The following DDR2 variants were observed in gnomAD, a reference collection of about 807,000 sequenced individuals.
DDR2 encodes discoidin domain receptor tyrosine kinase 2.
Under a neutral mutation model 94.9 loss-of-function variants are expected in DDR2, and 27 were observed. That is an observed-to-expected ratio of 0.28 (90% CI 0.21 to 0.39). DDR2 has a LOEUF of 0.39. Among genes scored for constraint, DDR2 ranks in the 10% least tolerant of loss-of-function variants. The pLI is 1.00. For missense variants in DDR2, 783 were observed against 1,076.0 expected, an observed-to-expected ratio of 0.73 and a Z score of 3.81; for synonymous variants, 382 against 377.2, an observed-to-expected ratio of 1.01 and a Z score of -0.15.
chr1:162,784,894 C>A lies in DDR2; in HGVS notation c.*4648C>A, dbSNP rs191863401. Reference sequence around the variant, plus strand: ...ACTACAGACCTTTTTTCAATTTCGCCAGTTTTTCCACACATATTCATTTAG... The same window carrying A: ...ACTACAGACCTTTTTTCAATTTCGCAAGTTTTTCCACACATATTCATTTAG... On this transcript the variant is annotated 3_prime_UTR_variant, in exon 18 of 18. Transcript: ENST00000367921. 2.0e-5 allele frequency: 3 copies of A among 152,248 alleles called. No individual in the cohort carries two copies. Among genetic ancestry groups the A allele is most frequent in the African/African-American group, 7.2e-5 (3 of 41,568 alleles). The allele number at this position is 152,248 out of a possible 1,614,324, so 9.4% of individuals were successfully genotyped here. A position where few individuals can be genotyped will look rare whatever the true frequency, so the allele number is the denominator to read the frequency against.
At chr1:162,761,566 A>G in intron 9 of DDR2, 112 bp downstream of exon 9, 2 of 1,536,264 alleles carry the variant, frequency 1.3e-6, no homozygotes, top group Non-Finnish European at 1.8e-6. Flanking sequence ...TTGTACAGGC[A>G]GCTTCTCATT....
intron 2 of DDR2, among the ~76,000 whole-genome samples, chr1:162,663,957 GAA>G (rs1456325214): frequency 6.6e-6 from 1 of 152,110 alleles, no homozygotes; most frequent in Non-Finnish European, 1.5e-5. Flanking sequence ...CCTGTACTCG[GAA>G]ATGCAAAATG....
At chr1:162,716,731 G>T (rs1487771190) in intron 2 of DDR2, among the ~76,000 whole-genome samples, 1 of 150,588 alleles carries the variant, frequency 6.6e-6, no homozygotes. Flanking sequence ...TAACCCCTCT[G>T]GGTGTGTCAG....
chr1:162,776,012 A>G, intron 15 of DDR2, 124 bp from the exon 16 acceptor site: 2 of 1,299,832 alleles, frequency 1.5e-6, no homozygotes, highest in South Asian at 2.4e-5. Context: ...CAAGGGATTC[A>G]TCAAGAGTAG....
At chr1:162,634,711 A>G (rs560706421) in intron 1 of DDR2, among the ~76,000 whole-genome samples, 56 of 152,280 alleles carry the variant, frequency 3.7e-4, no homozygotes, top group Non-Finnish European at 4.7e-4. Context: ...GTTTGATATG[A>G]TTCCTTGCCC....
intron 3 of DDR2, among the ~76,000 whole-genome samples, chr1:162,746,050 T>C (rs1662844301): frequency 6.6e-6 from 1 of 152,194 alleles, no homozygotes; most frequent in Admixed American, 6.5e-5. Flanking sequence ...CAGCTCCCAG[T>C]GTGAGCAACG....
intron 3 of DDR2, among the ~76,000 whole-genome samples, chr1:162,734,275 C>A (rs1662193400): frequency 6.6e-6 from 1 of 152,232 alleles, no homozygotes. Context: ...GCCAAGGCTA[C>A]CCTTGACCAA....
In DDR2 at chr1:162,786,500, T is replaced by G. The variant is rs1302198029; in HGVS notation, c.*6254T>G. Reference sequence around the variant, plus strand: ...CGTGATACCAATTGTATATTTTCTTTTCTTTATTTATTCTCTGTAAGTCTG... The same window carrying G: ...CGTGATACCAATTGTATATTTTCTTGTCTTTATTTATTCTCTGTAAGTCTG... On this transcript the variant is annotated 3_prime_UTR_variant, in exon 18 of 18. Transcript: ENST00000367921. 6.6e-6 allele frequency: 1 copy of G among 152,242 alleles called. No individual in the cohort carries two copies. Among genetic ancestry groups the G allele is most frequent in the Admixed American group, 6.5e-5 (1 of 15,284 alleles). The allele number at this position is 152,242 out of a possible 1,614,324, so 9.4% of individuals were successfully genotyped here.
intron 2 of DDR2, among the ~76,000 whole-genome samples, chr1:162,694,032 C>T (rs1484143097): frequency 6.6e-6 from 1 of 152,292 alleles, no homozygotes; most frequent in East Asian, 1.9e-4. Context: ...CATGCCAGCA[C>T]ACCCAGCTAA....
At position 162,767,679 on chromosome 1, in the gene DDR2, A is replaced by T. The variant is rs79240387; in HGVS notation, c.1293+320A>T. The stretch of plus-strand genomic sequence containing the variant: ...GGGTAGAGTCCAGGCATCCATATTT[A>T]AAAAAAAATTTAACAAGTGCTTCTG... On this transcript the variant is annotated intron_variant, in intron 11 of 17. Transcript: ENST00000367921. Among the ~76,000 whole-genome samples the T allele has an allele frequency of 4.6e-4, 70 of 151,884 alleles. 1 individual carries two copies. In the East Asian group the frequency reaches 0.012, roughly 26 times the overall value.
At chr1:162,668,576 C>T (rs965760456) in intron 2 of DDR2, among the ~76,000 whole-genome samples, 3 of 152,104 alleles carry the variant, frequency 2.0e-5, no homozygotes, top group African/African-American at 7.2e-5. Context: ...GCAATCACTC[C>T]AATCTCTGCC....
At chr1:162,701,143 G>A (rs922529968) in intron 2 of DDR2, among the ~76,000 whole-genome samples, 4 of 151,648 alleles carry the variant, frequency 2.6e-5, no homozygotes, top group African/African-American at 4.8e-5. Context: ...ATAGCTGACC[G>A]TAGTAGATAG....
chr1:162,752,016 G>A (rs1363880981), intron 3 of DDR2, among the ~76,000 whole-genome samples: 1 of 152,044 alleles, frequency 6.6e-6, no homozygotes, highest in South Asian at 2.1e-4. Context: ...GGACGGGGGA[G>A]GAATGGCATT....
Position 162,754,627 on chromosome 1 carries a change from G to C in DDR2, c.189G>C (p.Leu63=), listed in dbSNP as rs374552736. Residue 63 remains leucine (L), a synonymous_variant, in exon 5 of 18, where the codon CTG becomes CTC. Coordinates refer to ENST00000367921, the MANE Select transcript of DDR2 (RefSeq NM_006182.4). ...TCCCCAACCCTCACCTCTCAAGGCT[G>C]GACTCAGAAGAAGGGGATGGAGCCT... The part of the protein sequence containing the change: ...SESTAAKYGR[L]DSEEGDGAWC... 115 of 1,613,982 alleles carry C rather than the reference G, an allele frequency of 7.1e-5. No homozygotes were observed. The highest frequency in any genetic ancestry group is 9.2e-5 in the Non-Finnish European group (109 of 1,179,988).
intron 3 of DDR2, among the ~76,000 whole-genome samples, chr1:162,735,614 G>A (rs1348968471): frequency 3.3e-5 from 5 of 152,182 alleles, no homozygotes; most frequent in Non-Finnish European, 7.4e-5. Flanking sequence ...AGATCAAAGA[G>A]CTTTCAGGAA....
intron 2 of DDR2, among the ~76,000 whole-genome samples, chr1:162,701,282 G>A (rs1468632689): frequency 6.6e-6 from 1 of 152,246 alleles, no homozygotes; most frequent in Non-Finnish European, 1.5e-5. Flanking sequence ...AGCTGTAGTA[G>A]AGGATAGCCT....
intron 2 of DDR2, among the ~76,000 whole-genome samples, chr1:162,710,875 T>G (rs1660879036): frequency 6.6e-6 from 1 of 152,126 alleles, no homozygotes; most frequent in Non-Finnish European, 1.5e-5. Flanking sequence ...GTCCTACCTT[T>G]CCTGCAGGGG....
intron 2 of DDR2, among the ~76,000 whole-genome samples, chr1:162,672,864 T>C (rs1274047228): frequency 6.6e-6 from 1 of 152,160 alleles, no homozygotes; most frequent in Non-Finnish European, 1.5e-5. Flanking sequence ...GGGGCCTCTC[T>C]GTCCCCATGA....
At chr1:162,733,219 A>T (rs144251519) in intron 3 of DDR2, among the ~76,000 whole-genome samples, 1 of 152,336 alleles carries the variant, frequency 6.6e-6, no homozygotes, top group Non-Finnish European at 1.5e-5. Flanking sequence ...ATGAACGAGG[A>T]AGTGGAACTG....
Sources: gnomAD v4.1 joint callset for allele counts (sites outside exome capture counted in the v4.1 genomes callset) on GRCh38, gnomAD v4.1.1 for gene constraint, MANE v1.5 for transcripts, NCBI Gene and HGNC (gene_info 2026-07-23, HGNC 2026-07-21) for gene names.